Variants in TBCEL observed in about 807,000 individuals in gnomAD.
The protein encoded by TBCEL is tubulin-specific chaperone cofactor E-like protein.
Under a neutral mutation model 44.2 loss-of-function variants are expected in TBCEL, and 15 were observed. The ratio of observed to expected loss-of-function variants is 0.34; its 90% CI spans 0.23 to 0.52. TBCEL has a LOEUF of 0.52. Among genes scored for constraint, TBCEL ranks in the 20% least tolerant of loss-of-function variants. TBCEL has a pLI of 0.95. For missense variants in TBCEL, 319 were observed against 506.3 expected (o/e 0.63, Z 3.55); for synonymous variants, 171 against 185.4 (o/e 0.92, Z 0.63).
rs1945234236 is a variant in TBCEL, at chr11:121,036,508, G to A, written c.-122G>A. ...GTGTTTTTGTCTTATATTTCAGAAT[G>A]TCTAATTTAATAGGGATATAGACAG... On this transcript the variant is annotated 5_prime_UTR_variant, in exon 2 of 9. An upstream start codon of the reference 5' UTR is lost. Transcript: ENST00000683345. 1 of 152,172 alleles carries A rather than the reference G, an allele frequency of 6.6e-6. No homozygotes were observed. Among genetic ancestry groups the A allele is most frequent in the Admixed American group, 6.5e-5 (1 of 15,276 alleles). The allele number at this position is 152,172 out of a possible 1,614,324, so 9.4% of individuals were successfully genotyped here.
chr11:121,069,865 TC>T (rs1474578743), intron 8 of TBCEL, among the ~76,000 whole-genome samples: 3 of 152,042 alleles, frequency 2.0e-5, no homozygotes, highest in African/African-American at 7.3e-5. Flanking sequence ...AACAGGGCAG[TC>T]CGTGAAAGAC....
chr11:121,035,138 G>A (rs1297655338), intron 1 of TBCEL: 1 of 152,190 alleles, frequency 6.6e-6, no homozygotes, highest in Non-Finnish European at 1.5e-5. Flanking sequence ...AGTAATAGGG[G>A]AAGCAGGAGA....
At chr11:121,045,306 C>G (rs141784177) in intron 2 of TBCEL, among the ~76,000 whole-genome samples, 2,750 of 152,160 alleles carry the variant, frequency 0.018, 40 homozygotes, top group Middle Eastern at 0.054. Flanking sequence ...AACTGTTTAG[C>G]CTGATGTTCA....
chr11:121,036,732 A>G (rs895851264), intron 2 of TBCEL, 120 bp downstream of exon 2: 2 of 152,136 alleles, frequency 1.3e-5, no homozygotes, highest in African/African-American at 4.8e-5. Context: ...GTGTTTATGT[A>G]TGGTGGACTA....
intron 8 of TBCEL, among the ~76,000 whole-genome samples, chr11:121,062,195 A>T (rs1591403542): frequency 6.6e-6 from 1 of 152,070 alleles, no homozygotes; most frequent in South Asian, 2.1e-4. Flanking sequence ...CTAGAAGGTC[A>T]TCAGGGCAGT....
chr11:121,030,792 G>A (rs1051667815), intron 1 of TBCEL, among the ~76,000 whole-genome samples: 5 of 151,236 alleles, frequency 3.3e-5, no homozygotes, highest in African/African-American at 1.2e-4. Flanking sequence ...ATATATGTAC[G>A]CAACCTTAAA....
rs141482028 is a variant in TBCEL at position 121,057,968 on chromosome 11, A to G, written c.713-377A>G. Among the ~76,000 whole-genome samples, 178 of 151,988 alleles carry G rather than the reference A, an allele frequency of 1.2e-3. 1 individual carries two copies. The highest frequency in any genetic ancestry group is 4.0e-3 in the African/African-American group (166 of 41,528). On this transcript the variant is annotated intron_variant, in intron 6 of 8. Transcript: ENST00000683345. ...ATCGATAGTTTTATTCCATGAGTCT[A>G]TATTTGAGTGAAATGAGTTGGTCAC...
chr11:121,065,925 A>G (rs1460653117), intron 8 of TBCEL, among the ~76,000 whole-genome samples: 2 of 152,236 alleles, frequency 1.3e-5, no homozygotes, highest in African/African-American at 4.8e-5. Flanking sequence ...AACCAATCCT[A>G]AATTACCCTT....
chr11:121,024,508 C>T (rs1478215825), intron 1 of TBCEL, among the ~76,000 whole-genome samples: 1 of 131,366 alleles, frequency 7.6e-6, no homozygotes, highest in East Asian at 2.7e-4. Context: ...TGGGCTATGG[C>T]GGAGCTGGGA....
intron 2 of TBCEL, among the ~76,000 whole-genome samples, chr11:121,041,004 T>G (rs1424943378): frequency 2.0e-5 from 3 of 152,186 alleles, no homozygotes; most frequent in Non-Finnish European, 4.4e-5. Context: ...TAGCACTCTG[T>G]GGGGTACGTT....
rs1003274157 is a variant in TBCEL at position 121,090,545 on chromosome 11, A to G, written c.*3449A>G. ...CCAGATGTGTTGTGAACACTCTACT[A>G]TTTTTCATAGGTGCTTCCTTGAAAT... On this transcript the variant is annotated 3_prime_UTR_variant, in exon 9 of 9. Transcript: ENST00000683345. 2.0e-5 allele frequency: 3 copies of G among 151,874 alleles called. No homozygotes were observed. Among genetic ancestry groups the G allele is most frequent in the Non-Finnish European group, 2.9e-5 (2 of 67,988 alleles). 9.4% of individuals were successfully genotyped at this position (151,874 alleles called of 1,614,324 possible).
At chr11:121,071,308 T>C (rs1392096440) in intron 8 of TBCEL, among the ~76,000 whole-genome samples, 2 of 152,190 alleles carry the variant, frequency 1.3e-5, no homozygotes, top group Non-Finnish European at 2.9e-5. Context: ...AAATGCAACT[T>C]TTAGAAGTCA....
chr11:121,062,073 C>T (rs1290823919), intron 8 of TBCEL, among the ~76,000 whole-genome samples: 2 of 151,854 alleles, frequency 1.3e-5, no homozygotes, highest in Non-Finnish European at 2.9e-5. Context: ...TATTTTTCTA[C>T]TTTTTAAATT....
intron 1 of TBCEL, chr11:121,035,896 G>T (rs992007620): frequency 3.9e-5 from 6 of 152,142 alleles, no homozygotes; most frequent in African/African-American, 1.2e-4. Context: ...CAGTTACTTT[G>T]ATGTGGTTAC....
intron 8 of TBCEL, among the ~76,000 whole-genome samples, chr11:121,073,872 G>A (rs892078460): frequency 6.6e-6 from 1 of 151,874 alleles, no homozygotes; most frequent in African/African-American, 2.4e-5. Context: ...TTCAGGTATT[G>A]AACCATTTTT....
At chr11:121,064,343 C>T (rs1945779223) in intron 8 of TBCEL, among the ~76,000 whole-genome samples, 1 of 152,192 alleles carries the variant, frequency 6.6e-6, no homozygotes, top group Admixed American at 6.5e-5. Flanking sequence ...AAGTAGTCAT[C>T]ATCCAGTTTT....
In TBCEL at chr11:121,045,742, A is replaced by G. The variant is rs1945418665; in HGVS notation, c.52A>G (p.Ser18Gly). ...SFMQVLCEKYSPENFPYRRGP... is the reference protein window; with the variant it reads ...SFMQVLCEKYGPENFPYRRGP... ...CATGCAAGTATTATGTGAAAAATAT[A>G]GTCCTGAAAATTTTCCTTATCGCCG... Residue 18 changes from serine to glycine, a missense_variant, in exon 3 of 9, where the codon AGT becomes GGT. Coordinates refer to ENST00000683345, the MANE Select transcript of TBCEL (RefSeq NM_001363644.2). 1 of 1,611,738 alleles carries G rather than the reference A, an allele frequency of 6.2e-7. No individual in the cohort carries two copies.
chr11:121,080,861 C>T (rs748258822), intron 8 of TBCEL, among the ~76,000 whole-genome samples: 1 of 152,142 alleles, frequency 6.6e-6, no homozygotes, highest in Admixed American at 6.5e-5. Flanking sequence ...AAATGACCAC[C>T]GTGCTACTAA....
intron 8 of TBCEL, among the ~76,000 whole-genome samples, chr11:121,081,934 C>T (rs1946133689): frequency 6.6e-6 from 1 of 152,134 alleles, no homozygotes; most frequent in Admixed American, 6.5e-5. Context: ...CCTAACCCAT[C>T]TATAAAAGTC....
Sources: gnomAD v4.1 joint callset for allele counts (sites outside exome capture counted in the v4.1 genomes callset) on GRCh38, gnomAD v4.1.1 for gene constraint, MANE v1.5 for transcripts, NCBI Gene and HGNC (gene_info 2026-07-23, HGNC 2026-07-21) for gene names.